The following CACNA1E variants were observed in gnomAD, a reference collection of about 807,000 sequenced individuals.
The protein encoded by CACNA1E is calcium voltage-gated channel subunit alpha1 E, also known as voltage-dependent R-type calcium channel subunit alpha-1E.
Under a neutral mutation model 259.2 loss-of-function variants are expected in CACNA1E, and 40 were observed. The observed-to-expected ratio is 0.15, with a 90% CI of 0.12 to 0.20. The LOEUF (loss-of-function observed/expected upper bound fraction) is 0.20, where lower values mean the gene tolerates loss of function less well. Among genes scored for constraint, CACNA1E ranks in the 10% least tolerant of loss-of-function variants. The pLI is 1.00. For synonymous variants in CACNA1E, 1,104 were observed against 1,138.5 expected (o/e 0.97, Z 0.61); for missense variants, 1,874 against 3,040.1 (o/e 0.62, Z 9.02).
At chr1:181,492,750 C>T (rs544829271) in intron 1 of CACNA1E, among the ~76,000 whole-genome samples, 1 of 152,258 alleles carries the variant, frequency 6.6e-6, no homozygotes, top group Admixed American at 6.5e-5. Flanking sequence ...GATACCTTCC[C>T]CAACCTGACT....
intron 3 of CACNA1E, among the ~76,000 whole-genome samples, chr1:181,571,853 A>T (rs865832153): frequency 5.9e-5 from 9 of 151,980 alleles, no homozygotes; most frequent in African/African-American, 1.7e-4. Flanking sequence ...GAAATTGGAA[A>T]TTTTTTTCTA....
intron 3 of CACNA1E, among the ~76,000 whole-genome samples, chr1:181,517,213 G>A (rs897551166): frequency 1.3e-5 from 2 of 152,168 alleles, no homozygotes; most frequent in Non-Finnish European, 2.9e-5. Flanking sequence ...AACTTAGCTG[G>A]GCAGGGAAGG....
At chr1:181,506,815 G>A (rs1227172714) in intron 1 of CACNA1E, among the ~76,000 whole-genome samples, 1 of 151,516 alleles carries the variant, frequency 6.6e-6, no homozygotes, top group Non-Finnish European at 1.5e-5. Context: ...CTGTAAGGGA[G>A]AGTGGCTGGG....
chr1:181,745,737 C>T (rs1449504749), intron 25 of CACNA1E, among the ~76,000 whole-genome samples: 1 of 152,206 alleles, frequency 6.6e-6, no homozygotes, highest in Middle Eastern at 3.4e-3. Context: ...TGGACTTCCA[C>T]CAGCTCCAAG....
intron 7 of CACNA1E, among the ~76,000 whole-genome samples, chr1:181,704,678 G>A (rs1652617780): frequency 6.6e-6 from 1 of 152,162 alleles, no homozygotes; most frequent in Non-Finnish European, 1.5e-5. Context: ...GTGTACAGTA[G>A]TGTGGATAAA....
Position 181,758,194 on chromosome 1 carries a change from C to A in CACNA1E, c.4494+83C>A. 8.4e-7 allele frequency: 1 copy of A among 1,195,954 alleles called. No homozygotes were observed. The highest frequency in any genetic ancestry group is 1.2e-6 in the Non-Finnish European group (1 of 824,036). The allele number at this position is 1,195,954 out of a possible 1,614,324, so 74.1% of individuals were successfully genotyped here. On this transcript the variant is annotated intron_variant, in intron 31 of 47. Coordinates refer to ENST00000367573, the MANE Select transcript of CACNA1E (RefSeq NM_001205293.3). The surrounding 1 kb of genome is among the most constrained non-coding windows in gnomAD (Gnocchi z 4.2). ...CAAGTGGGAAGACACCCCAACATCC[C>A]AGCCCATCACTGCTTTACCTACTTT...
chr1:181,568,989 T>A (rs772023048), intron 3 of CACNA1E, among the ~76,000 whole-genome samples: 1 of 152,216 alleles, frequency 6.6e-6, no homozygotes, highest in Non-Finnish European at 1.5e-5. Context: ...TCAGATATGC[T>A]GGTTTCTTTT....
chr1:181,527,427 C>T (rs960224441), intron 3 of CACNA1E, among the ~76,000 whole-genome samples: 1 of 152,234 alleles, frequency 6.6e-6, no homozygotes, highest in Admixed American at 6.5e-5. Flanking sequence ...GATACACAAA[C>T]ATTCAGTCTA....
At position 181,742,826 on chromosome 1, in the gene CACNA1E, C is replaced by T. The variant is rs561439490; in HGVS notation, c.3719+3573C>T. The stretch of plus-strand genomic sequence containing the variant: ...TGGCTGAAGAGAAGACTGTTCTCCA[C>T]AGCTGCATACATCAAGTTAAGGGAA... On this transcript the variant is annotated intron_variant, in intron 25 of 47. Coordinates refer to ENST00000367573, the MANE Select transcript of CACNA1E (RefSeq NM_001205293.3). Among the ~76,000 whole-genome samples the T allele has an allele frequency of 6.6e-5, 10 of 152,320 alleles. No individual in the cohort carries two copies. In the East Asian group the frequency reaches 1.7e-3, roughly 26 times the overall value.
intron 7 of CACNA1E, among the ~76,000 whole-genome samples, chr1:181,677,551 T>G (rs527302283): frequency 5.3e-4 from 80 of 152,312 alleles, no homozygotes; most frequent in African/African-American, 1.7e-3. Context: ...TACACTTGGC[T>G]AGTGTGCAAT....
chr1:181,735,292 C>A (rs1162017342), intron 21 of CACNA1E, among the ~76,000 whole-genome samples: 2 of 152,236 alleles, frequency 1.3e-5, no homozygotes, highest in Non-Finnish European at 2.9e-5. Flanking sequence ...TTTACTCTCC[C>A]TCTGTTGTAA....
chr1:181,593,213 G>C (rs765744821), intron 6 of CACNA1E, among the ~76,000 whole-genome samples: 1 of 152,162 alleles, frequency 6.6e-6, no homozygotes, highest in Non-Finnish European at 1.5e-5. Context: ...GTGAGCTGTG[G>C]ACTTACAAAC....
chr1:181,399,575 T>A (rs1156929518), intron 1 of CACNA1E, among the ~76,000 whole-genome samples: 1 of 152,134 alleles, frequency 6.6e-6, no homozygotes, highest in Non-Finnish European at 1.5e-5. Context: ...AATAGTGAAA[T>A]CCCTGTCAAC....
chr1:181,391,945 CTGTG>C (rs201388697), intron 1 of CACNA1E, among the ~76,000 whole-genome samples: 175 of 118,246 alleles, frequency 1.5e-3, no homozygotes, highest in East Asian at 3.0e-3. Flanking sequence ...CTCTCTCTCT[CTGTG>C]TGTGTGTGTG....
intron 1 of CACNA1E, among the ~76,000 whole-genome samples, chr1:181,500,005 A>T (rs1450260989): frequency 2.0e-5 from 3 of 152,220 alleles, no homozygotes; most frequent in Non-Finnish European, 4.4e-5. Context: ...CTGCATTGAC[A>T]AAGCCATTCA....
chr1:181,697,085 A>T (rs1238100421), intron 7 of CACNA1E, among the ~76,000 whole-genome samples: 14 of 152,172 alleles, frequency 9.2e-5, no homozygotes, highest in Admixed American at 9.2e-4. Context: ...CTATCCTTTC[A>T]TCTGAGTACA....
intron 6 of CACNA1E, among the ~76,000 whole-genome samples, chr1:181,596,593 T>TAC (rs1653196418): frequency 3.4e-5 from 5 of 145,740 alleles, no homozygotes; most frequent in African/African-American, 1.3e-4. Context: ...TGTGTGTGTG[T>TAC]GTGTACACAC....
chr1:181,793,857 A>AATAG, intron 45 of CACNA1E, 64 bp downstream of exon 45: 2 of 1,528,628 alleles, frequency 1.3e-6, no homozygotes, highest in Non-Finnish European at 1.8e-6. Context: ...GTTATGGAAT[A>AATAG]ATATCTGATA....
intron 1 of CACNA1E, among the ~76,000 whole-genome samples, chr1:181,384,674 C>T (rs767515002): frequency 2.0e-5 from 3 of 152,144 alleles, no homozygotes; most frequent in Non-Finnish European, 2.9e-5. Flanking sequence ...TTGTGCTTCT[C>T]CTCCTATCTT....
Sources: allele counts gnomAD v4.1 joint callset (sites outside exome capture counted in the v4.1 genomes callset), GRCh38; gene constraint gnomAD v4.1.1; non-coding constraint Gnocchi (gnomAD v3.1); transcripts MANE v1.5; gene names NCBI Gene and HGNC (gene_info 2026-07-23, HGNC 2026-07-21).